The following CUX2 variants were observed in gnomAD, a reference collection of about 807,000 sequenced individuals.
The protein encoded by CUX2 is cut like homeobox 2.
In CUX2, 40 loss-of-function variants were observed where a neutral mutation model predicts 144.8. That is an observed-to-expected ratio of 0.28 (90% CI 0.21 to 0.36). CUX2 has a LOEUF of 0.36. CUX2 is among the 10% of genes least tolerant of loss of function. CUX2 has a pLI of 1.00. For missense variants in CUX2, 1,615 were observed against 1,994.0 expected (o/e 0.81, Z 3.62); for synonymous variants, 827 against 875.6 (o/e 0.94, Z 0.98).
intron 1 of CUX2, among the ~76,000 whole-genome samples, chr12:111,070,372 C>T (rs1315423145): frequency 1.4e-5 from 2 of 144,802 alleles, no homozygotes; most frequent in African/African-American, 2.6e-5. Flanking sequence ...CTCCCTCCCT[C>T]CCTTCTTCCT....
intron 1 of CUX2, among the ~76,000 whole-genome samples, chr12:111,047,655 A>G (rs1370449828): frequency 6.6e-6 from 1 of 152,060 alleles, no homozygotes; most frequent in Admixed American, 6.6e-5. Context: ...CAAGACTCGA[A>G]CCCAGACAGT....
At chr12:111,194,478 T>C (rs1592825472) in intron 1 of CUX2, among the ~76,000 whole-genome samples, 1 of 152,352 alleles carries the variant, frequency 6.6e-6, no homozygotes, top group South Asian at 2.1e-4. Context: ...TCAGGAGATT[T>C]TCACATCAAA....
intron 1 of CUX2, among the ~76,000 whole-genome samples, chr12:111,112,106 G>C (rs889450344): frequency 6.6e-6 from 1 of 152,142 alleles, no homozygotes; most frequent in Non-Finnish European, 1.5e-5. Context: ...TTGGGTGAGG[G>C]ATCGAGGTCT....
At chr12:111,063,309 CA>C (rs1375329115) in intron 1 of CUX2, among the ~76,000 whole-genome samples, 12 of 151,942 alleles carry the variant, frequency 7.9e-5, no homozygotes, top group Non-Finnish European at 1.5e-5. Context: ...GAGAAGGATC[CA>C]AAAAAAACAA....
In CUX2 at chr12:111,160,645, A is replaced by G. The variant is rs112181120; in HGVS notation, c.64-53555A>G. 0.026 allele frequency among the ~76,000 whole-genome samples: 3,968 copies of G among 152,192 alleles called. 187 individuals are homozygous for G. Among genetic ancestry groups the G allele is most frequent in the African/African-American group, 0.091 (3,787 of 41,522 alleles). On this transcript the variant is annotated intron_variant, in intron 1 of 21. Transcript: ENST00000261726. This position sits in a 1 kb window ranked among gnomAD's most constrained non-coding sequence, Gnocchi z 4.1. ...TTTTGTCTCCATGTCCAGGGAGCCA[A>G]TGGAGGGCTATGCAGAGGAGTGACG...
At chr12:111,328,972 T>TCTCTCTCTCC (rs1198113973) in intron 18 of CUX2, among the ~76,000 whole-genome samples, 20 of 80,040 alleles carry the variant, frequency 2.5e-4, no homozygotes, top group Non-Finnish European at 2.9e-4. Flanking sequence ...TCTCTCTCTC[T>TCTCTCTCTCC]CTCCCCCTCT....
At chr12:111,123,682 C>T (rs192497561) in intron 1 of CUX2, among the ~76,000 whole-genome samples, 47 of 152,166 alleles carry the variant, frequency 3.1e-4, no homozygotes, top group African/African-American at 1.1e-3. Context: ...ACTATAGGTA[C>T]ATACCCCCAC....
intron 1 of CUX2, among the ~76,000 whole-genome samples, chr12:111,136,901 G>C (rs1031025192): frequency 6.6e-6 from 1 of 152,010 alleles, no homozygotes; most frequent in African/African-American, 2.4e-5. Flanking sequence ...GAGTGTATGT[G>C]TCAAGATTTG....
chr12:111,181,510 C>T (rs1566277816), intron 1 of CUX2, among the ~76,000 whole-genome samples: 2 of 152,302 alleles, frequency 1.3e-5, no homozygotes, highest in African/African-American at 4.8e-5. Flanking sequence ...CTGTTGTGAA[C>T]ATCTCTACCT....
intron 1 of CUX2, among the ~76,000 whole-genome samples, chr12:111,182,809 A>G (rs1879271370): frequency 6.6e-6 from 1 of 152,210 alleles, no homozygotes; most frequent in Admixed American, 6.5e-5. Context: ...TCCCTGAGCC[A>G]GCCCAGGATA....
chr12:111,047,948 G>C (rs1870077910), intron 1 of CUX2, among the ~76,000 whole-genome samples: 1 of 152,210 alleles, frequency 6.6e-6, no homozygotes, highest in African/African-American at 2.4e-5. Flanking sequence ...GCACAGTTCA[G>C]GCAGGGGAGC....
chr12:111,042,432 G>A (rs1459843230), intron 1 of CUX2, among the ~76,000 whole-genome samples: 2 of 152,110 alleles, frequency 1.3e-5, no homozygotes, highest in Non-Finnish European at 2.9e-5. Flanking sequence ...GGTGTGAGCT[G>A]CGGAATCAAG....
At chr12:111,336,360 G>GA (rs903761817) in intron 19 of CUX2, among the ~76,000 whole-genome samples, 10 of 149,992 alleles carry the variant, frequency 6.7e-5, no homozygotes, top group Non-Finnish European at 1.3e-4. Flanking sequence ...AAAAGTACAG[G>GA]AAAAAAAAAG....
chr12:111,287,359 G>A lies in CUX2; in HGVS notation c.302-4059G>A, dbSNP rs1339577743. Reference sequence around the variant, plus strand: ...GGCCCTGCGCAGTCCGCGTGGCACCGCACCGTCTTGTGTTTGTCTAACTTC... The same window carrying A: ...GGCCCTGCGCAGTCCGCGTGGCACCACACCGTCTTGTGTTTGTCTAACTTC... On this transcript the variant is annotated intron_variant, in intron 4 of 21. Transcript: ENST00000261726. This position sits in a 1 kb window ranked among gnomAD's most constrained non-coding sequence, Gnocchi z 4.2. Among the ~76,000 whole-genome samples, 4 of 152,236 alleles carry A rather than the reference G, an allele frequency of 2.6e-5. No homozygotes were observed. The highest frequency in any genetic ancestry group is 9.6e-5 in the African/African-American group (4 of 41,470).
At chr12:111,170,441 G>A (rs114639891) in intron 1 of CUX2, among the ~76,000 whole-genome samples, 43 of 140,202 alleles carry the variant, frequency 3.1e-4, no homozygotes, top group South Asian at 4.5e-4. Context: ...AAGAAAGAAA[G>A]AAAAAAAAAA....
chr12:111,095,462 GA>G (rs891524560), intron 1 of CUX2, among the ~76,000 whole-genome samples: 7 of 150,386 alleles, frequency 4.7e-5, no homozygotes, highest in African/African-American at 1.5e-4. Context: ...CTATCTCAAA[GA>G]AAAAAAAATG....
chr12:111,344,495 T>C (rs41466849), intron 21 of CUX2, among the ~76,000 whole-genome samples: 3,221 of 152,304 alleles, frequency 0.021, 121 homozygotes, highest in African/African-American at 0.074. Flanking sequence ...CAAAGGGTTA[T>C]AATTACAGAA....
intron 3 of CUX2, among the ~76,000 whole-genome samples, chr12:111,245,555 G>A (rs1258478983): frequency 1.3e-5 from 2 of 151,976 alleles, no homozygotes; most frequent in Admixed American, 6.6e-5. Context: ...CCAGGAGATC[G>A]AGGCTGCAGT....
chr12:111,341,645 C>G, intron 20 of CUX2, 135 bp from the exon 21 acceptor site: 1 of 982,156 alleles, frequency 1.0e-6, no homozygotes, highest in Non-Finnish European at 1.5e-6. Flanking sequence ...GGCTGGGGGG[C>G]GGGCCTCTAA....
Sources: allele counts gnomAD v4.1 joint callset (sites outside exome capture counted in the v4.1 genomes callset), GRCh38; gene constraint gnomAD v4.1.1; non-coding constraint Gnocchi (gnomAD v3.1); transcripts MANE v1.5; gene names NCBI Gene and HGNC (gene_info 2026-07-23, HGNC 2026-07-21).